Variants in ESR1 observed in about 807,000 individuals in gnomAD.
ESR1 encodes the protein estrogen receptor 1, also known as estrogen receptor.
A neutral mutation model predicts 52.7 loss-of-function variants in ESR1; 12 were observed. That is an observed-to-expected ratio of 0.23 (90% CI 0.15 to 0.37). The LOEUF is 0.37. Ranked by LOEUF, ESR1 falls within the 10% of genes least tolerant of loss-of-function variation. The pLI, the probability that ESR1 is intolerant of heterozygous loss-of-function variation, is 1.00. For missense variants in ESR1, 584 were observed against 779.7 expected (o/e 0.75, Z 2.99); for synonymous variants, 305 against 316.8 (o/e 0.96, Z 0.39).
At chr6:151,962,338 C>T (rs1014758812) in intron 4 of ESR1, among the ~76,000 whole-genome samples, 1 of 152,090 alleles carries the variant, frequency 6.6e-6, no homozygotes, top group African/African-American at 2.4e-5. Context: ...GTTACCTAAG[C>T]CATCATAGTT....
At chr6:151,950,411 G>A (rs1185979120) in intron 4 of ESR1, among the ~76,000 whole-genome samples, 1 of 152,174 alleles carries the variant, frequency 6.6e-6, no homozygotes, top group African/African-American at 2.4e-5. Flanking sequence ...TATGATTGAA[G>A]TGTGTTATGG....
chr6:151,840,972 A>G (rs1784195583), intron 1 of ESR1, among the ~76,000 whole-genome samples: 1 of 152,152 alleles, frequency 6.6e-6, no homozygotes, highest in Admixed American at 6.5e-5. Context: ...CTGGGCCAAT[A>G]TAACATCTAC....
chr6:152,092,331 G>T (rs926470240), intron 6 of ESR1, among the ~76,000 whole-genome samples: 2 of 152,200 alleles, frequency 1.3e-5, no homozygotes, highest in African/African-American at 4.8e-5. Context: ...TGGAAACCAA[G>T]ATCCCGACCA....
At chr6:151,770,991 T>G (rs2128107810) in intron 2 of ESR1, among the ~76,000 whole-genome samples, 2 of 152,292 alleles carry the variant, frequency 1.3e-5, no homozygotes, top group East Asian at 3.9e-4. Context: ...AGAAAGCACC[T>G]AAACCAGTGA....
At chr6:152,107,249 G>A (rs915545871), downstream of ESR1, among the ~76,000 whole-genome samples, 1 of 151,966 alleles carries the variant, frequency 6.6e-6, no homozygotes, top group African/African-American at 2.4e-5. Flanking sequence ...TATGCTTGAT[G>A]TCAATCCCAC....
intron 1 of ESR1, among the ~76,000 whole-genome samples, chr6:151,823,445 ATTTGTTTTTTGTT>A (rs1011911331): frequency 2.6e-4 from 40 of 152,124 alleles, no homozygotes; most frequent in South Asian, 2.3e-3. Context: ...AATGACTATT[ATTTGTTTTTTGTT>A]TTTGTTTTTG....
intron 2 of ESR1, among the ~76,000 whole-genome samples, chr6:151,857,895 G>A (rs1219674247): frequency 1.3e-5 from 2 of 152,166 alleles, no homozygotes; most frequent in South Asian, 4.1e-4. Flanking sequence ...TGAATGATAG[G>A]ATTATGGATA....
chr6:151,709,748 T>G (rs1234418213), intron 2 of ESR1, among the ~76,000 whole-genome samples: 1 of 152,012 alleles, frequency 6.6e-6, no homozygotes, highest in Non-Finnish European at 1.5e-5. Flanking sequence ...GATTTTTTTT[T>G]TTTGGTCAGT....
intron 2 of ESR1, among the ~76,000 whole-genome samples, chr6:151,774,089 TGTCATTA>T (rs1785750382): frequency 6.6e-6 from 1 of 152,196 alleles, no homozygotes; most frequent in Non-Finnish European, 1.5e-5. Context: ...TATGGCACAT[TGTCATTA>T]GGGAGTTAGA....
chr6:151,879,209 G>A (rs1463712983), intron 2 of ESR1, among the ~76,000 whole-genome samples: 1 of 152,164 alleles, frequency 6.6e-6, no homozygotes, highest in Non-Finnish European at 1.5e-5. Context: ...GAAGCCAAGG[G>A]AAAAAGCCTG....
intron 4 of ESR1, among the ~76,000 whole-genome samples, chr6:151,995,621 T>G (rs1308096427): frequency 6.6e-6 from 1 of 152,214 alleles, no homozygotes; most frequent in African/African-American, 2.4e-5. Context: ...CTAGTTAGAC[T>G]TTTTTGAAGA....
chr6:151,946,253 A>G (rs997206992), intron 4 of ESR1, among the ~76,000 whole-genome samples: 1 of 152,212 alleles, frequency 6.6e-6, no homozygotes, highest in African/African-American at 2.4e-5. Flanking sequence ...TCCTGTAAAC[A>G]TATATTTTCC....
At chr6:151,741,641 A>AT (rs1258931258) in intron 2 of ESR1, among the ~76,000 whole-genome samples, 1 of 152,086 alleles carries the variant, frequency 6.6e-6, no homozygotes, top group African/African-American at 2.4e-5. Flanking sequence ...GTACAACTTG[A>AT]TTTTTTCAAA....
At chr6:151,837,290 G>A (rs1175815896) in intron 1 of ESR1, among the ~76,000 whole-genome samples, 1 of 151,448 alleles carries the variant, frequency 6.6e-6, no homozygotes, top group African/African-American at 2.4e-5. Context: ...ACCAGAGATG[G>A]GGTTTCACCA....
intron 1 of ESR1, among the ~76,000 whole-genome samples, chr6:151,822,915 A>G (rs1780803036): frequency 6.6e-6 from 1 of 152,324 alleles, no homozygotes. Context: ...TGAGAAAAGC[A>G]TGGTTAAACG....
At position 151,950,739 on chromosome 6, in the gene ESR1, C is replaced by T. The variant is rs150080290; in HGVS notation, c.1096+6231C>T. Among the ~76,000 whole-genome samples the T allele has an allele frequency of 2.1e-3, 317 of 152,226 alleles. 1 individual carries two copies. The highest frequency in any genetic ancestry group is 0.011 in the East Asian group (55 of 5,168). On this transcript the variant is annotated intron_variant, in intron 4 of 7. Coordinates refer to ENST00000206249, the MANE Select transcript of ESR1 (RefSeq NM_000125.4). ...AAACTAGAAGGGGCAAGAGTGGACT[C>T]TCCCCCTCAGAGAGAGTATGGCCTT...
chr6:152,078,926 C>T (rs1436193497), intron 6 of ESR1, among the ~76,000 whole-genome samples: 1 of 152,210 alleles, frequency 6.6e-6, no homozygotes, highest in African/African-American at 2.4e-5. Context: ...CGGGGAGGGG[C>T]GTCTGCCATT....
At chr6:151,683,458 CAAAA>C (rs201266524) in intron 1 of ESR1, among the ~76,000 whole-genome samples, 1 of 101,942 alleles carries the variant, frequency 9.8e-6, no homozygotes. Context: ...TTCATTTGAT[CAAAA>C]AAAAAAAAAA....
At chr6:152,058,342 T>C (rs2128949107) in intron 5 of ESR1, among the ~76,000 whole-genome samples, 1 of 152,322 alleles carries the variant, frequency 6.6e-6, no homozygotes, top group African/African-American at 2.4e-5. Flanking sequence ...TTGAAATTCC[T>C]GCTGTGCTTC....
Sources: gnomAD v4.1 joint callset for allele counts (sites outside exome capture counted in the v4.1 genomes callset) on GRCh38, gnomAD v4.1.1 for gene constraint, MANE v1.5 for transcripts, NCBI Gene and HGNC (gene_info 2026-07-23, HGNC 2026-07-21) for gene names.